The following PGCKA1 variants were observed in gnomAD, a reference collection of about 807,000 sequenced individuals.
PGCKA1 encodes PDCD10 and GCKIII kinases associated 1.
the PGCKA1 span, among the ~76,000 whole-genome samples, chr4:37,487,224 C>CT: frequency 6.6e-6 from 1 of 152,192 alleles, no homozygotes; most frequent in East Asian, 1.9e-4. Context: ...CCCACACACT[C>CT]TCTTATTTTC....
the PGCKA1 span, among the ~76,000 whole-genome samples, chr4:37,535,696 G>A: frequency 7.2e-5 from 11 of 152,084 alleles, no homozygotes; most frequent in Admixed American, 1.3e-4. Context: ...GCTTTTCCTC[G>A]CAGTAACCCT....
the PGCKA1 span, among the ~76,000 whole-genome samples, chr4:37,569,979 C>CTT: frequency 0.037 from 4,354 of 119,218 alleles, 342 homozygotes; most frequent in African/African-American, 0.09. Context: ...GCATATAATC[C>CTT]TTTTTTTTTT....
At chr4:37,590,237 C>G in the PGCKA1 span, 1 of 1,614,158 alleles carries the variant, frequency 6.2e-7, no homozygotes, top group Non-Finnish European at 8.5e-7. Context: ...AGGCAGGGCT[C>G]AAAGAAGACT....
At chr4:37,475,833 C>T in the PGCKA1 span, among the ~76,000 whole-genome samples, 13 of 151,962 alleles carry the variant, frequency 8.6e-5, no homozygotes, top group Admixed American at 2.6e-4. Flanking sequence ...AATTTGAATT[C>T]CCAGAACTGC....
chr4:37,581,455 T>C, the PGCKA1 span, among the ~76,000 whole-genome samples: 11 of 152,098 alleles, frequency 7.2e-5, no homozygotes, highest in Non-Finnish European at 1.5e-4. This position sits in a 1 kb window ranked among gnomAD's most constrained non-coding sequence, Gnocchi z 4.4. Flanking sequence ...ACTCAGCAGG[T>C]GATGGGTCTT....
At chr4:37,577,152 G>A in the PGCKA1 span, among the ~76,000 whole-genome samples, 132 of 152,196 alleles carry the variant, frequency 8.7e-4, no homozygotes, top group African/African-American at 2.8e-3. Flanking sequence ...AGTTTGAGTA[G>A]GATTGGTATT....
chr4:37,522,598 G>T, the PGCKA1 span, among the ~76,000 whole-genome samples: 3 of 151,582 alleles, frequency 2.0e-5, no homozygotes, highest in African/African-American at 7.3e-5. Context: ...TACCTGAAGC[G>T]AGCAAATCTC....
At chr4:37,461,795 C>G in the PGCKA1 span, among the ~76,000 whole-genome samples, 3 of 151,762 alleles carry the variant, frequency 2.0e-5, no homozygotes, top group Non-Finnish European at 4.4e-5. Context: ...CTTTGCTGTC[C>G]TTTAGCTGTC....
the PGCKA1 span, among the ~76,000 whole-genome samples, chr4:37,561,579 C>T: frequency 6.6e-6 from 1 of 152,048 alleles, no homozygotes; most frequent in African/African-American, 2.4e-5. Flanking sequence ...GACAATACAC[C>T]AGAAAGCTGT....
the PGCKA1 span, among the ~76,000 whole-genome samples, chr4:37,585,878 TTCTA>T: frequency 6.6e-6 from 1 of 151,946 alleles, no homozygotes; most frequent in South Asian, 2.1e-4. Context: ...ACTTGGGGTT[TTCTA>T]TCTTTCAATT....
the PGCKA1 span, chr4:37,588,955 C>A: frequency 1.5e-6 from 2 of 1,362,724 alleles, no homozygotes; most frequent in African/African-American, 1.4e-5. Context: ...AGCGTGGGGT[C>A]ACTTTTAAAG....
the PGCKA1 span, among the ~76,000 whole-genome samples, chr4:37,559,886 A>G: frequency 1.7e-4 from 26 of 152,308 alleles, no homozygotes; most frequent in African/African-American, 5.8e-4. Flanking sequence ...AAAGTGGTGC[A>G]TGCATTATTC....
the PGCKA1 span, among the ~76,000 whole-genome samples, chr4:37,556,099 A>T: frequency 2.8e-3 from 422 of 152,308 alleles, 3 homozygotes; most frequent in African/African-American, 8.9e-3. Flanking sequence ...TGTGCATAGC[A>T]TAGGGCTTGT....
At chr4:37,531,928 A>G in the PGCKA1 span, among the ~76,000 whole-genome samples, 1 of 151,794 alleles carries the variant, frequency 6.6e-6, no homozygotes, top group Non-Finnish European at 1.5e-5. Context: ...AAGTAAAGAA[A>G]TACTCAACAC....
chr4:37,482,253 C>T, the PGCKA1 span, among the ~76,000 whole-genome samples: 3 of 152,152 alleles, frequency 2.0e-5, no homozygotes, highest in African/African-American at 2.4e-5. Context: ...CAGGAGAAGA[C>T]AGAAAAATGT....
At chr4:37,468,420 C>A in the PGCKA1 span, among the ~76,000 whole-genome samples, 1 of 152,184 alleles carries the variant, frequency 6.6e-6, no homozygotes, top group Non-Finnish European at 1.5e-5. Context: ...TGCCTTGTAG[C>A]TCCCCAGGGG....
the PGCKA1 span, among the ~76,000 whole-genome samples, chr4:37,548,946 G>C: frequency 7.2e-5 from 11 of 152,326 alleles, no homozygotes; most frequent in East Asian, 1.9e-3. Flanking sequence ...CTTCCACTAA[G>C]GTGGTCCTCC....
chr4:37,460,905 T>A, the PGCKA1 span: 22 of 400,264 alleles, frequency 5.5e-5, no homozygotes, highest in African/African-American at 4.8e-4. Flanking sequence ...CATAAAATCT[T>A]TGCCCATGCC....
chr4:37,557,004 A>G, the PGCKA1 span, among the ~76,000 whole-genome samples: 2 of 152,248 alleles, frequency 1.3e-5, no homozygotes, highest in African/African-American at 4.8e-5. Flanking sequence ...GAAAGGGTGT[A>G]AAACCATTCC....
Sources: allele counts gnomAD v4.1 joint callset (sites outside exome capture counted in the v4.1 genomes callset), GRCh38; gene constraint gnomAD v4.1.1; non-coding constraint Gnocchi (gnomAD v3.1); transcripts MANE v1.5; gene names NCBI Gene and HGNC (gene_info 2026-07-23, HGNC 2026-07-21).